PDE4D: variants seen among roughly 807,000 people sequenced by gnomAD.
PDE4D encodes phosphodiesterase 4D.
In PDE4D, 24 loss-of-function variants were observed where a neutral mutation model predicts 87.4. That is an observed-to-expected ratio of 0.27 (90% confidence interval 0.20 to 0.39). The LOEUF is 0.39. Ranked by LOEUF, PDE4D falls within the 10% of genes least tolerant of loss-of-function variation. PDE4D has a pLI of 1.00. For synonymous variants in PDE4D, 384 were observed against 383.2 expected, an observed-to-expected ratio of 1.00 and a Z score of -0.02; for missense variants, 714 against 1,041.0, an observed-to-expected ratio of 0.69 and a Z score of 4.32.
chr5:60,433,575 G>A (rs1442011561), intron 1 of PDE4D, among the ~76,000 whole-genome samples: 2 of 152,142 alleles, frequency 1.3e-5, no homozygotes, highest in Admixed American at 6.5e-5. Flanking sequence ...TATTGGGTAT[G>A]TACCCAAAGG....
chr5:59,456,440 G>C (rs1267775783), intron 1 of PDE4D, among the ~76,000 whole-genome samples: 1 of 152,092 alleles, frequency 6.6e-6, no homozygotes, highest in South Asian at 2.1e-4. Flanking sequence ...GTCCTTCCTA[G>C]CCATGTGGAG....
chr5:59,902,400 A>G (rs1042044892), intron 3 of PDE4D, among the ~76,000 whole-genome samples: 2 of 152,134 alleles, frequency 1.3e-5, no homozygotes, highest in South Asian at 4.1e-4. Flanking sequence ...TCATGCATAG[A>G]TCTGTGGACC....
chr5:59,150,903 T>C (rs1431752771), intron 5 of PDE4D, among the ~76,000 whole-genome samples: 5 of 152,072 alleles, frequency 3.3e-5, no homozygotes, highest in Admixed American at 1.3e-4. Flanking sequence ...ACTCAGGCAA[T>C]GAGAAAGCAG....
At chr5:59,898,504 T>C (rs75295972), upstream of PDE4D, among the ~76,000 whole-genome samples, 2,325 of 151,902 alleles carry the variant, frequency 0.015, 55 homozygotes, top group East Asian at 0.092. Flanking sequence ...AAAGGGAGAG[T>C]GGCATCTAAT....
chr5:60,044,063 G>A (rs758676787), intron 2 of PDE4D, among the ~76,000 whole-genome samples: 1 of 151,738 alleles, frequency 6.6e-6, no homozygotes, highest in Non-Finnish European at 1.5e-5. Context: ...TTAGTTTTCT[G>A]TGATTTGAAC....
chr5:59,276,732 A>G (rs1477851123), intron 1 of PDE4D, among the ~76,000 whole-genome samples: 3 of 152,080 alleles, frequency 2.0e-5, no homozygotes, highest in Non-Finnish European at 2.9e-5. Context: ...AATTTCATTC[A>G]TCTCTACACA....
chr5:59,917,975 C>T (rs926564065), intron 3 of PDE4D, among the ~76,000 whole-genome samples: 1 of 151,878 alleles, frequency 6.6e-6, no homozygotes, highest in Non-Finnish European at 1.5e-5. Context: ...AATCCAAACA[C>T]ATAATCAGTT....
At position 59,122,168 on chromosome 5, in the gene PDE4D, C is replaced by T. The variant is rs7731607; in HGVS notation, c.808+58427G>A. On this transcript the variant is annotated intron_variant, in intron 5 of 14. Transcript: ENST00000340635. ...AAAAAAAAAAAAAAAAAAAAAAAAG[C>T]AAGAAAGAAAGGAAGAAAGAAAGAA... Among the ~76,000 whole-genome samples the T allele has an allele frequency of 7.9e-5, 8 of 101,880 alleles. 1 individual carries two copies. The South Asian group carries it at 1.3e-3, about 16-fold the overall frequency. The allele number at this position is 101,880 out of a possible 152,430, so 66.8% of individuals were successfully genotyped here.
At chr5:59,411,822 T>A (rs1431362721) in intron 1 of PDE4D, among the ~76,000 whole-genome samples, 2 of 152,344 alleles carry the variant, frequency 1.3e-5, no homozygotes, top group Admixed American at 6.5e-5. Flanking sequence ...TAAAACATTT[T>A]AAAAAATTCT....
chr5:60,455,559 A>G (rs73108666), intron 1 of PDE4D, among the ~76,000 whole-genome samples: 26,999 of 152,160 alleles, frequency 0.18, 3,884 homozygotes, highest in African/African-American at 0.39. Context: ...AAGTTAAATA[A>G]CCAGAACTCA....
In PDE4D at chr5:59,981,824, T is replaced by A. The variant is rs570339457; in HGVS notation, c.272+6664A>T. The stretch of plus-strand genomic sequence containing the variant: ...AAAAGGCCAAATTTGAAAGATCAGA[T>A]GTGTCTGATCCAGCCTTCTGTTTTT... On this transcript the variant is annotated intron_variant, in intron 3 of 16. Coordinates refer to the PDE4D transcript ENST00000502484. Among the ~76,000 whole-genome samples, 72 of 152,328 alleles carry A rather than the reference T, an allele frequency of 4.7e-4. No homozygotes were observed. In the South Asian group the frequency reaches 0.014, roughly 29 times the overall value.
chr5:59,041,612 C>T (rs2153396390), intron 5 of PDE4D, among the ~76,000 whole-genome samples: 1 of 152,298 alleles, frequency 6.6e-6, no homozygotes, highest in Admixed American at 6.5e-5. Flanking sequence ...TCTTTTCAAT[C>T]ATTGGTTACA....
chr5:59,988,443 C>A, intron 3 of PDE4D: 2 of 1,273,178 alleles, frequency 1.6e-6, no homozygotes, highest in Non-Finnish European at 2.2e-6. Flanking sequence ...ACAACAATCA[C>A]CATCTAAAAT....
chr5:59,031,394 ATATATATATATATATATATAT>A lies in PDE4D; in HGVS notation c.921+7444_921+7464del, dbSNP rs1757453649. On this transcript the variant is annotated intron_variant, in intron 6 of 14. Transcript: ENST00000340635. Reference sequence around the variant, plus strand: ...ATATATATATATATATATATATATTATATATATATATATATATATATAGATTATACAGGCCGGGCGCAGTGG... The same window carrying A: ...ATATATATATATATATATATATATTAAGATTATACAGGCCGGGCGCAGTGG... 3.7e-4 allele frequency among the ~76,000 whole-genome samples: 28 copies of A among 75,042 alleles called. 1 individual carries two copies. Among genetic ancestry groups the A allele is most frequent in the African/African-American group, 1.4e-3 (28 of 19,704 alleles). 49.2% of individuals were successfully genotyped at this position (75,042 alleles called of 152,430 possible).
intron 1 of PDE4D, among the ~76,000 whole-genome samples, chr5:59,616,237 C>A (rs1419166648): frequency 6.6e-6 from 1 of 152,000 alleles, no homozygotes; most frequent in Non-Finnish European, 1.5e-5. Flanking sequence ...CACCCATTTC[C>A]AAACATGCTG....
chr5:60,510,805 T>A (rs1050003982), intron 1 of PDE4D, among the ~76,000 whole-genome samples: 1 of 152,166 alleles, frequency 6.6e-6, no homozygotes, highest in African/African-American at 2.4e-5. Context: ...AGTTAAGTGG[T>A]AAGGCAGCTA....
chr5:59,049,655 A>G (rs1329486220), intron 5 of PDE4D, among the ~76,000 whole-genome samples: 1 of 152,182 alleles, frequency 6.6e-6, no homozygotes, highest in African/African-American at 2.4e-5. Flanking sequence ...ATCTGATGCA[A>G]ACACCCCCAG....
At chr5:60,513,312 T>C (rs1258600898) in intron 1 of PDE4D, among the ~76,000 whole-genome samples, 1 of 152,112 alleles carries the variant, frequency 6.6e-6, no homozygotes, top group African/African-American at 2.4e-5. Flanking sequence ...GTTCACACCA[T>C]ACAAAGTAGA....
At chr5:59,878,879 C>T (rs1328322065) in intron 1 of PDE4D, among the ~76,000 whole-genome samples, 2 of 146,612 alleles carry the variant, frequency 1.4e-5, no homozygotes, top group South Asian at 2.2e-4. Context: ...ACATATCTAC[C>T]GAAGTAAGTT....
Sources: gnomAD v4.1 joint callset for allele counts (sites outside exome capture counted in the v4.1 genomes callset) on GRCh38, gnomAD v4.1.1 for gene constraint, MANE v1.5 for transcripts, NCBI Gene and HGNC (gene_info 2026-07-23, HGNC 2026-07-21) for gene names.